The following ARHGAP24 variants were observed in gnomAD, a reference collection of about 807,000 sequenced individuals.
ARHGAP24 encodes Rho GTPase activating protein 24.
Under a neutral mutation model 76.4 loss-of-function variants are expected in ARHGAP24, and 50 were observed. That is an observed-to-expected ratio of 0.65 (90% CI 0.52 to 0.83). The LOEUF is 0.83. Among genes scored for constraint, ARHGAP24 ranks in the 40% least tolerant of loss-of-function variants. The pLI is 0.00. For missense variants in ARHGAP24, 930 were observed against 914.2 expected (o/e 1.02, Z -0.22); for synonymous variants, 345 against 323.3 (o/e 1.07, Z -0.72).
intron 3 of ARHGAP24, among the ~76,000 whole-genome samples, chr4:85,738,471 C>T (rs1437416130): frequency 6.7e-6 from 1 of 150,094 alleles, no homozygotes; most frequent in Non-Finnish European, 1.5e-5. Flanking sequence ...AACCTCATGT[C>T]AGATATAAAA....
chr4:85,786,055 T>C (rs1196606640), intron 3 of ARHGAP24, among the ~76,000 whole-genome samples: 2 of 152,144 alleles, frequency 1.3e-5, no homozygotes, highest in Non-Finnish European at 2.9e-5. Context: ...ATTTCCTTAA[T>C]TAACTAATTA....
intron 2 of ARHGAP24, among the ~76,000 whole-genome samples, chr4:85,714,571 C>G (rs1209129323): frequency 6.6e-6 from 1 of 152,038 alleles, no homozygotes; most frequent in East Asian, 1.9e-4. Context: ...GGAAATATTA[C>G]ATGTTTTCCT....
chr4:85,803,423 C>G (rs539585686), intron 3 of ARHGAP24, among the ~76,000 whole-genome samples: 1 of 152,332 alleles, frequency 6.6e-6, no homozygotes, highest in African/African-American at 2.4e-5. Flanking sequence ...GGCGTCTTCC[C>G]TATTACTGGA....
intron 1 of ARHGAP24, among the ~76,000 whole-genome samples, chr4:85,552,445 G>A (rs1434712844): frequency 6.6e-6 from 1 of 152,148 alleles, no homozygotes; most frequent in Non-Finnish European, 1.5e-5. Flanking sequence ...CCAATTGTGT[G>A]GTTGATTGTA....
At chr4:85,780,910 A>G (rs1257877396) in intron 3 of ARHGAP24, among the ~76,000 whole-genome samples, 1 of 152,178 alleles carries the variant, frequency 6.6e-6, no homozygotes, top group East Asian at 1.9e-4. Context: ...CTTTTTATAA[A>G]GTTACTGGAG....
At chr4:85,683,007 A>G (rs1231187111) in intron 2 of ARHGAP24, among the ~76,000 whole-genome samples, 1 of 149,024 alleles carries the variant, frequency 6.7e-6, no homozygotes, top group African/African-American at 2.5e-5. Flanking sequence ...GGAAAATTAT[A>G]GATTTCTATA....
chr4:85,819,806 G>C (rs1432838568), intron 3 of ARHGAP24, among the ~76,000 whole-genome samples: 6 of 152,050 alleles, frequency 3.9e-5, no homozygotes, highest in Non-Finnish European at 7.4e-5. Context: ...TGTAATCCCA[G>C]TTACTCGGGA....
At chr4:85,666,105 G>A (rs1417225300) in intron 2 of ARHGAP24, among the ~76,000 whole-genome samples, 1 of 152,212 alleles carries the variant, frequency 6.6e-6, no homozygotes, top group Non-Finnish European at 1.5e-5. Context: ...ATATCCTGCA[G>A]AGTGTTTTCC....
chr4:85,558,274 C>G (rs1219925150), intron 1 of ARHGAP24, among the ~76,000 whole-genome samples: 3 of 152,054 alleles, frequency 2.0e-5, no homozygotes, highest in Non-Finnish European at 4.4e-5. Flanking sequence ...TTGGATACTT[C>G]AAATAACATA....
At chr4:85,535,991 A>G (rs532239963) in intron 1 of ARHGAP24, among the ~76,000 whole-genome samples, 50 of 152,284 alleles carry the variant, frequency 3.3e-4, no homozygotes, top group African/African-American at 1.2e-3. Flanking sequence ...TGTGACAGGT[A>G]TACCATGACT....
chr4:85,622,666 C>T (rs143821543), intron 2 of ARHGAP24, among the ~76,000 whole-genome samples: 49,997 of 151,902 alleles, frequency 0.33, 9,272 homozygotes, highest in East Asian at 0.84. Context: ...CCTGAGGAAT[C>T]GCCACACTGT....
At chr4:85,812,491 C>A (rs1295567434) in intron 3 of ARHGAP24, among the ~76,000 whole-genome samples, 2 of 151,846 alleles carry the variant, frequency 1.3e-5, no homozygotes, top group Non-Finnish European at 2.9e-5. Flanking sequence ...TCTAACCCAA[C>A]ATTTGAAACT....
In ARHGAP24 at chr4:85,858,770, G is replaced by A. The variant is rs72980817; in HGVS notation, c.269-64878G>A. On this transcript the variant is annotated intron_variant, in intron 3 of 9. Coordinates refer to ENST00000395184, the MANE Select transcript of ARHGAP24 (RefSeq NM_001025616.3). Reference sequence around the variant, plus strand: ...GCAGAGGAAGGTGATCTGTACAAACGGTAGTGATAATGTGTCTGGAGGATC... The same window carrying A: ...GCAGAGGAAGGTGATCTGTACAAACAGTAGTGATAATGTGTCTGGAGGATC... Among the ~76,000 whole-genome samples, 854 of 152,136 alleles carry A rather than the reference G, an allele frequency of 5.6e-3. 11 individuals are homozygous for A. The highest frequency in any genetic ancestry group is 0.019 in the African/African-American group (797 of 41,534).
intron 3 of ARHGAP24, among the ~76,000 whole-genome samples, chr4:85,790,943 A>T (rs547814682): frequency 6.6e-6 from 1 of 152,306 alleles, no homozygotes; most frequent in East Asian, 1.9e-4. Flanking sequence ...CATGAACTAC[A>T]TTGGAAAAAA....
chr4:85,786,061 A>G (rs1252020739), intron 3 of ARHGAP24, among the ~76,000 whole-genome samples: 1 of 151,976 alleles, frequency 6.6e-6, no homozygotes, highest in Non-Finnish European at 1.5e-5. Flanking sequence ...TTAATTAACT[A>G]ATTACTTATA....
chr4:85,761,348 T>C (rs1189965624), intron 3 of ARHGAP24, among the ~76,000 whole-genome samples: 1 of 152,192 alleles, frequency 6.6e-6, no homozygotes, highest in African/African-American at 2.4e-5. Flanking sequence ...GTGGACTCAG[T>C]AGCTGAGAAT....
At chr4:85,684,355 A>T (rs908052411) in intron 2 of ARHGAP24, among the ~76,000 whole-genome samples, 1 of 152,150 alleles carries the variant, frequency 6.6e-6, no homozygotes, top group Non-Finnish European at 1.5e-5. Flanking sequence ...TATTTCTCTG[A>T]TGATTAATGA....
At chr4:85,873,913 A>G (rs1017882498) in intron 3 of ARHGAP24, among the ~76,000 whole-genome samples, 1 of 152,184 alleles carries the variant, frequency 6.6e-6, no homozygotes, top group Non-Finnish European at 1.5e-5. Flanking sequence ...TTGTAAATAT[A>G]TTTGCTTATC....
intron 9 of ARHGAP24, among the ~76,000 whole-genome samples, chr4:85,996,345 T>A (rs1000776578): frequency 1.3e-5 from 2 of 152,168 alleles, no homozygotes; most frequent in Non-Finnish European, 2.9e-5. Context: ...AAGAATATGA[T>A]TTATAAAGAA....
Sources: gnomAD v4.1 joint callset for allele counts (sites outside exome capture counted in the v4.1 genomes callset) on GRCh38, gnomAD v4.1.1 for gene constraint, MANE v1.5 for transcripts, NCBI Gene and HGNC (gene_info 2026-07-23, HGNC 2026-07-21) for gene names.